KLRG1: variants seen among roughly 807,000 people sequenced by gnomAD.
KLRG1 encodes killer cell lectin like receptor G1, also known as killer cell lectin-like receptor subfamily G member 1.
Under a neutral mutation model 21.8 loss-of-function variants are expected in KLRG1, and 16 were observed. The observed-to-expected ratio is 0.73, with a 90% CI of 0.50 to 1.11. The LOEUF (loss-of-function observed/expected upper bound fraction) is 1.11. Ranked by LOEUF, KLRG1 falls within the 50% of genes most tolerant of loss-of-function variation. The pLI, the probability that KLRG1 is intolerant of heterozygous loss-of-function variation, is 0.00. For missense variants in KLRG1, 173 were observed against 218.3 expected, an observed-to-expected ratio of 0.79 and a Z score of 1.31; for synonymous variants, 69 against 75.9, an observed-to-expected ratio of 0.91 and a Z score of 0.47.
chr12:8,995,072 G>A, intron 2 of KLRG1, 47 bp from the exon 3 acceptor site: 1 of 1,498,774 alleles, frequency 6.7e-7, no homozygotes, highest in Non-Finnish European at 8.9e-7. Context: ...TCATTTCCAA[G>A]ACTGAGTGGT....
chr12:9,160,333 G>A, the KLRG1 span: 132 of 1,611,976 alleles, frequency 8.2e-5, 1 homozygote, highest in South Asian at 6.1e-4. Flanking sequence ...GATAGCCAAC[G>A]GCCTTGGCCT....
At chr12:8,999,017 T>C (rs1947228514) in intron 3 of KLRG1, among the ~76,000 whole-genome samples, 2 of 152,062 alleles carry the variant, frequency 1.3e-5, no homozygotes. Context: ...ATATTTAAAA[T>C]AGTGAGATGC....
chr12:9,181,935 A>G, the KLRG1 span: 1 of 1,600,924 alleles, frequency 6.2e-7, no homozygotes, highest in Admixed American at 1.7e-5. Flanking sequence ...CTACAGTATC[A>G]TTTATTTGTG....
At chr12:9,190,494 G>A in the KLRG1 span, among the ~76,000 whole-genome samples, 1 of 152,092 alleles carries the variant, frequency 6.6e-6, no homozygotes, top group South Asian at 2.1e-4. Context: ...GGGCCTATCT[G>A]AGGGTGGAGG....
the KLRG1 span, chr12:9,109,406 C>T: frequency 6.2e-7 from 1 of 1,610,424 alleles, no homozygotes; most frequent in East Asian, 2.2e-5. Context: ...TTGGGAAGAA[C>T]TGTTGATTGG....
the KLRG1 span, chr12:9,161,084 GCTTCAAGGACAA>G: frequency 6.2e-7 from 1 of 1,602,026 alleles, no homozygotes; most frequent in African/African-American, 1.3e-5. Context: ...TTTGATGGGA[GCTTCAAGGACAA>G]CTGCTCAGAC....
At chr12:8,956,421 T>C (rs1946294690) in intron 1 of KLRG1, among the ~76,000 whole-genome samples, 1 of 152,154 alleles carries the variant, frequency 6.6e-6, no homozygotes, top group African/African-American at 2.4e-5. Flanking sequence ...AGCTGTAACA[T>C]GCTGTAACAC....
At chr12:8,979,458 G>A (rs1363052782) in intron 1 of KLRG1, among the ~76,000 whole-genome samples, 1 of 152,196 alleles carries the variant, frequency 6.6e-6, no homozygotes, top group Non-Finnish European at 1.5e-5. Context: ...AGTCTTATAT[G>A]TGATGAGTCA....
At chr12:9,097,821 C>T in the KLRG1 span, among the ~76,000 whole-genome samples, 3 of 152,000 alleles carry the variant, frequency 2.0e-5, no homozygotes, top group African/African-American at 4.8e-5. Context: ...TTAGTAGATA[C>T]GGGGTTTCAT....
At chr12:9,045,538 A>G in the KLRG1 span, among the ~76,000 whole-genome samples, 1 of 152,218 alleles carries the variant, frequency 6.6e-6, no homozygotes, top group Non-Finnish European at 1.5e-5. Context: ...GTACAACAAG[A>G]TGAAGATATG....
chr12:8,955,804 C>T (rs996390044), intron 1 of KLRG1, among the ~76,000 whole-genome samples: 7 of 151,976 alleles, frequency 4.6e-5, no homozygotes, highest in African/African-American at 1.7e-4. Flanking sequence ...TAGGTAGATA[C>T]GGGCGGGTCC....
At chr12:9,045,408 A>G in the KLRG1 span, among the ~76,000 whole-genome samples, 2 of 152,220 alleles carry the variant, frequency 1.3e-5, no homozygotes, top group African/African-American at 2.4e-5. Flanking sequence ...ATAGATAAAC[A>G]TAAAACCTCA....
At chr12:8,961,246 T>C (rs897018144) in intron 1 of KLRG1, among the ~76,000 whole-genome samples, 1 of 152,172 alleles carries the variant, frequency 6.6e-6, no homozygotes. Context: ...CCAGGAGTTT[T>C]GTGTCTTTAG....
chr12:9,057,985 T>C, the KLRG1 span: 2 of 152,200 alleles, frequency 1.3e-5, no homozygotes, highest in Non-Finnish European at 2.9e-5. Flanking sequence ...ATAATACATA[T>C]TCCTCCATAA....
chr12:9,138,154 C>T, the KLRG1 span, among the ~76,000 whole-genome samples: 3 of 151,882 alleles, frequency 2.0e-5, no homozygotes, highest in Admixed American at 6.6e-5. Flanking sequence ...ATCTATGGGC[C>T]TTTCATATAT....
chr12:9,139,624 A>G, the KLRG1 span, among the ~76,000 whole-genome samples: 6 of 152,210 alleles, frequency 3.9e-5, no homozygotes, highest in Admixed American at 6.5e-5. Flanking sequence ...TTGGATGCAT[A>G]TATAATTGTA....
At chr12:9,101,342 A>G in the KLRG1 span, 1 of 1,340,580 alleles carries the variant, frequency 7.5e-7, no homozygotes, top group Admixed American at 2.0e-5. Context: ...CAAAAGGAAC[A>G]TGGATAAGAA....
At chr12:9,053,235 C>T in the KLRG1 span, among the ~76,000 whole-genome samples, 3 of 152,080 alleles carry the variant, frequency 2.0e-5, no homozygotes, top group Admixed American at 6.5e-5. Flanking sequence ...GTTGTTCCCA[C>T]CTTGGCCCTG....
the KLRG1 span, among the ~76,000 whole-genome samples, chr12:9,187,215 A>G: frequency 6.3e-3 from 963 of 152,246 alleles, 15 homozygotes; most frequent in African/African-American, 0.022. Context: ...GAGACCTTCA[A>G]AGAGACTCAG....
Sources: allele counts gnomAD v4.1 joint callset (sites outside exome capture counted in the v4.1 genomes callset), GRCh38; gene constraint gnomAD v4.1.1; transcripts MANE v1.5; gene names NCBI Gene and HGNC (gene_info 2026-07-23, HGNC 2026-07-21).